PLCH2: variants seen among roughly 807,000 people sequenced by gnomAD.
PLCH2 encodes the protein 1-phosphatidylinositol 4,5-bisphosphate phosphodiesterase eta-2.
PLCH2 carries 98 observed loss-of-function variants against 134.7 expected under a neutral mutation model. That is an observed-to-expected ratio of 0.73 (90% CI 0.62 to 0.86). The LOEUF (loss-of-function observed/expected upper bound fraction) is 0.86. Ranked by LOEUF, PLCH2 falls within the 40% of genes least tolerant of loss-of-function variation. The probability of loss-of-function intolerance (pLI) is 0.00; values close to 1 mark genes in which losing one functional copy is unlikely to be tolerated. For synonymous variants in PLCH2, 974 were observed against 827.5 expected, an observed-to-expected ratio of 1.18 and a Z score of -3.04; for missense variants, 1,994 against 1,986.6, an observed-to-expected ratio of 1.00 and a Z score of -0.07.
Position 2,501,937 on chromosome 1 carries a change from C to T in PLCH2, c.2662-175C>T, listed in dbSNP as rs535925281. The T allele has an allele frequency of 1.4e-5, 8 of 555,120 alleles. No individual in the cohort carries two copies. The East Asian group carries it at 2.3e-4, about 16-fold the overall frequency. 34.4% of individuals were successfully genotyped at this position (555,120 alleles called of 1,614,324 possible). A position where few individuals can be genotyped will look rare whatever the true frequency, so the allele number is the denominator to read the frequency against. ...TCCCAGGCAGAGCTGCCCTAGGGAC[C>T]CTGCTCCTGAAGGCCCTGGTGTGTC... On this transcript the variant is annotated intron_variant, in intron 20 of 21. Coordinates refer to ENST00000378486, the MANE Select transcript of PLCH2 (RefSeq NM_014638.4).
Position 2,497,053 on chromosome 1 carries a change from G to A in PLCH2, c.2116+43G>A, listed in dbSNP as rs372990752. ...GCGCTGGGTGTGGTGGGGAGGGCTC[G>A]GCTCAGACGGTCCCTGAAGCCCAAG... On this transcript the variant is annotated intron_variant, in intron 15 of 21. Transcript: ENST00000378486. The A allele has an allele frequency of 1.4e-4, 215 of 1,577,458 alleles. 1 individual carries two copies. The East Asian group carries it at 4.3e-3, about 31-fold the overall frequency.
chr1:2,480,810 T>C (rs1469870238), intron 4 of PLCH2, among the ~76,000 whole-genome samples: 3 of 151,994 alleles, frequency 2.0e-5, no homozygotes, highest in Non-Finnish European at 2.9e-5. Flanking sequence ...GCTGCGGCCT[T>C]TATTGTCTGT....
chr1:2,421,521 T>C (rs964200301), upstream of PLCH2, among the ~76,000 whole-genome samples: 1 of 152,274 alleles, frequency 6.6e-6, no homozygotes, highest in Non-Finnish European at 1.5e-5. Flanking sequence ...CACGCTGTTA[T>C]CTGGGTGCAG....
At chr1:2,435,670 G>T (rs34247178) in intron 2 of PLCH2, among the ~76,000 whole-genome samples, 1,812 of 152,204 alleles carry the variant, frequency 0.012, 12 homozygotes, top group Non-Finnish European at 0.017. Context: ...CTGGCCTGTT[G>T]TGATCTCCAG....
At position 2,448,964 on chromosome 1, in the gene PLCH2, C is replaced by T. The variant is rs936355685; in HGVS notation, c.115+18335C>T. ...GTTGTACGTGGCTCCTTTGCTGGCG[C>T]GGGGAAAGGGCCGTGGGCTTGGGCC... is the stretch of plus-strand genomic sequence containing the variant. On this transcript the variant is annotated intron_variant, in intron 2 of 3. Transcript: ENST00000609981. The surrounding 1 kb of genome is among the most constrained non-coding windows in gnomAD (Gnocchi z 4.0). Among the ~76,000 whole-genome samples, 1 of 152,184 alleles carries T rather than the reference C, an allele frequency of 6.6e-6. No individual in the cohort carries two copies. The highest frequency in any genetic ancestry group is 1.5e-5 in the Non-Finnish European group (1 of 68,034).
chr1:2,453,910 T>G (rs2100564575), intron 2 of PLCH2, among the ~76,000 whole-genome samples: 1 of 148,582 alleles, frequency 6.7e-6, no homozygotes. Flanking sequence ...GCCTGCCGAG[T>G]GGGGTGGGGG....
In PLCH2 at chr1:2,489,348, A is replaced by G. The variant is rs202216018; in HGVS notation, c.1377A>G (p.Pro459=). The G allele has an allele frequency of 1.2e-6, 2 of 1,613,588 alleles. No homozygotes were observed. Among genetic ancestry groups the G allele is most frequent in the South Asian group, 2.2e-5 (2 of 91,084 alleles). The change falls in exon 9 of 22, where the codon CCA becomes CCG. Residue 459 remains proline, a synonymous_variant. Coordinates refer to ENST00000378486, the MANE Select transcript of PLCH2 (RefSeq NM_014638.4). ...SSEDATTLPS[P]QMLKGKILVK... is the part of the protein sequence containing the mutation. ...AAGATGCCACCACACTCCCCTCTCC[A>G]CAGATGCTCAAGGGCAAGATCCTCG...
At chr1:2,499,789 C>A in intron 20 of PLCH2, 69 bp downstream of exon 20, 1 of 1,212,142 alleles carries the variant, frequency 8.2e-7, no homozygotes. Flanking sequence ...CCATGCCCCC[C>A]CATGTGTCCC....
chr1:2,469,858 C>T (rs994373981), intron 1 of PLCH2, among the ~76,000 whole-genome samples: 3 of 152,210 alleles, frequency 2.0e-5, no homozygotes, highest in Non-Finnish European at 2.9e-5. Flanking sequence ...CCTGAGAAGT[C>T]ACTCACCGTG....
Position 2,498,619 on chromosome 1 carries a change from G to A in PLCH2, c.2321G>A (p.Arg774His), listed in dbSNP as rs1026722699. The change falls in exon 17 of 22, where the codon CGC (arginine) becomes CAC (histidine). Residue 774 changes from arginine (R) to histidine (H), a missense_variant. Around this residue, in one of 2 missense-constraint regions of PLCH2, gnomAD observed 1,094 missense variants for 1,234.3 expected, o/e 0.89. Transcript: ENST00000378486. The surrounding 1 kb of genome is among the most constrained non-coding windows in gnomAD (Gnocchi z 5.4). ...AGTGGCCAGCAGCTTCCCAAGCCGC[G>A]CGACTCCATGCTGGGGGACCGTGGG... Reference protein sequence around the residue: ...IISGQQLPKPRDSMLGDRGEI... With the variant: ...IISGQQLPKPHDSMLGDRGEI... 4 of 1,584,560 alleles carry A rather than the reference G, an allele frequency of 2.5e-6. No individual in the cohort carries two copies. The highest frequency in any genetic ancestry group is 3.6e-5 in the Admixed American group (2 of 56,192).
chr1:2,504,162 C>A lies in PLCH2; in HGVS notation c.3200C>A (p.Ala1067Glu). Reference sequence around the variant, plus strand: ...TGCAACGGCGAGGGCGCCGGCGGGGCATACGAGAGGGCCCCCGGCAGCCAG... The same window carrying A: ...TGCAACGGCGAGGGCGCCGGCGGGGAATACGAGAGGGCCCCCGGCAGCCAG... ...RPCNGEGAGG[A>E]YERAPGSQTD... Residue 1067 changes from alanine to glutamate, a missense_variant, in exon 22 of 22, where the codon GCA (alanine) becomes GAA (glutamate). Around this residue, in one of 2 missense-constraint regions of PLCH2, gnomAD observed 900 missense variants for 752.3 expected, o/e 1.20. Coordinates refer to ENST00000378486, the MANE Select transcript of PLCH2 (RefSeq NM_014638.4). The A allele has an allele frequency of 1.3e-6, 2 of 1,528,368 alleles. No homozygotes were observed. The highest frequency in any genetic ancestry group is 1.2e-5 in the South Asian group (1 of 82,198). 94.7% of individuals were successfully genotyped at this position (1,528,368 alleles called of 1,614,324 possible).
At chr1:2,463,913 C>T (rs995705957), upstream of PLCH2, among the ~76,000 whole-genome samples, 9 of 152,232 alleles carry the variant, frequency 5.9e-5, no homozygotes, top group South Asian at 2.1e-4. Context: ...CACACAGAGT[C>T]GGGCAGAGTC....
In PLCH2 at chr1:2,504,303, C is replaced by CTGCCGTGTACTCCGATGCCA; in HGVS notation, c.3341_3342insTGCCGTGTACTCCGATGCCA (p.Phe1115AlafsTer90). On this transcript the variant is annotated frameshift_variant, in exon 22 of 22. Coordinates refer to ENST00000378486, the MANE Select transcript of PLCH2 (RefSeq NM_014638.4). LOFTEE classifies it high-confidence loss of function. Reference sequence around the variant, plus strand: ...GGAGGGTGGCGGCCCCTGGCCGCTCCCTTTCCAGCTCCTGCCGTGTACTCC... The same window carrying CTGCCGTGTACTCCGATGCCA: ...GGAGGGTGGCGGCCCCTGGCCGCTCCTGCCGTGTACTCCGATGCCACTTTCCAGCTCCTGCCGTGTACTCC... The CTGCCGTGTACTCCGATGCCA allele has an allele frequency of 6.2e-7, 1 of 1,603,830 alleles. No individual in the cohort carries two copies. The highest frequency in any genetic ancestry group is 8.5e-7 in the Non-Finnish European group (1 of 1,176,586).
At chr1:2,451,610 A>G (rs542909792) in intron 2 of PLCH2, among the ~76,000 whole-genome samples, 2 of 152,130 alleles carry the variant, frequency 1.3e-5, no homozygotes, top group East Asian at 3.9e-4. Flanking sequence ...AGTCTGCGCC[A>G]TGGGTGGGCT....
chr1:2,499,483 G>C (rs1195501998), intron 19 of PLCH2, among the ~76,000 whole-genome samples, 158 bp from the exon 20 acceptor site: 1 of 152,062 alleles, frequency 6.6e-6, no homozygotes, highest in Non-Finnish European at 1.5e-5. Context: ...TCCTGGAGGA[G>C]GTGGGGTAGT....
chr1:2,495,641 G>A (rs1642845428), intron 13 of PLCH2, 71 bp downstream of exon 13: 9 of 1,112,078 alleles, frequency 8.1e-6, no homozygotes, highest in African/African-American at 1.6e-5. Flanking sequence ...CCTTCTCTGC[G>A]GTGACCCCAC....
At chr1:2,431,655 A>C (rs1167653376) in intron 2 of PLCH2, among the ~76,000 whole-genome samples, 2 of 152,118 alleles carry the variant, frequency 1.3e-5, no homozygotes, top group African/African-American at 4.8e-5. Context: ...CTATATGCAG[A>C]AACAGTATCA....
intron 11 of PLCH2, among the ~76,000 whole-genome samples, chr1:2,491,797 TGTGGGTGGGACAGAGTGGGGAGC>T (rs1487440487): frequency 6.6e-6 from 1 of 152,142 alleles, no homozygotes; most frequent in Non-Finnish European, 1.5e-5. Flanking sequence ...GCAGTCCTGC[TGTGGGTGGGACAGAGTGGGGAGC>T]GTGGGTGGGC....
At chr1:2,454,051 C>T (rs902342783) in intron 2 of PLCH2, among the ~76,000 whole-genome samples, 2 of 152,064 alleles carry the variant, frequency 1.3e-5, no homozygotes, top group African/African-American at 4.8e-5. Context: ...CGCAAGCCAC[C>T]CCCACCCCGA....
Sources: allele counts gnomAD v4.1 joint callset (sites outside exome capture counted in the v4.1 genomes callset), GRCh38; gene constraint gnomAD v4.1.1; regional missense constraint gnomAD v4.1.1; non-coding constraint Gnocchi (gnomAD v3.1); transcripts MANE v1.5; gene names NCBI Gene and HGNC (gene_info 2026-07-23, HGNC 2026-07-21).